The following CAMTA1 variants were observed in gnomAD, a reference collection of about 807,000 sequenced individuals.
The protein encoded by CAMTA1 is calmodulin-binding transcription activator 1.
CAMTA1 carries 27 observed loss-of-function variants against 170.9 expected under a neutral mutation model. That is an observed-to-expected ratio of 0.16 (90% confidence interval 0.12 to 0.22). The LOEUF (loss-of-function observed/expected upper bound fraction) is 0.22, where lower values mean the gene tolerates loss of function less well. CAMTA1 is among the 10% of genes least tolerant of loss of function. The probability of loss-of-function intolerance (pLI) is 1.00; values close to 1 mark genes in which losing one functional copy is unlikely to be tolerated. For missense variants in CAMTA1, 1,619 were observed against 2,217.2 expected, an observed-to-expected ratio of 0.73 and a Z score of 5.42; for synonymous variants, 833 against 891.5, an observed-to-expected ratio of 0.93 and a Z score of 1.17.
intron 3 of CAMTA1, among the ~76,000 whole-genome samples, chr1:6,973,863 A>T (rs1016151222): frequency 5.3e-5 from 8 of 152,236 alleles, no homozygotes; most frequent in African/African-American, 1.4e-4. Context: ...GGTGGAAGCT[A>T]GTGCTGCCTC....
intron 4 of CAMTA1, among the ~76,000 whole-genome samples, chr1:7,157,082 G>A (rs11120864): frequency 0.27 from 41,663 of 151,788 alleles, 6,384 homozygotes; most frequent in East Asian, 0.35. Context: ...GGTGACTCAC[G>A]CCTGTAATCC....
intron 6 of CAMTA1, among the ~76,000 whole-genome samples, chr1:7,478,822 G>T (rs1341785886): frequency 6.6e-6 from 1 of 152,164 alleles, no homozygotes; most frequent in Admixed American, 6.5e-5. Context: ...TGGGGCTTTT[G>T]TTTAATTATC....
At chr1:7,120,911 A>G (rs550072049) in intron 4 of CAMTA1, among the ~76,000 whole-genome samples, 1 of 152,378 alleles carries the variant, frequency 6.6e-6, no homozygotes, top group South Asian at 2.1e-4. Flanking sequence ...GGTATCATTA[A>G]TCATTTCATA....
Position 7,493,373 on chromosome 1 carries a change from G to C in CAMTA1, c.510+25472G>C, listed in dbSNP as rs955937062. ...AACACAAACATACAAACACACGTGC[G>C]CACACACAAACAAACACGTGCACAC... is the stretch of plus-strand genomic sequence containing the variant. On this transcript the variant is annotated intron_variant, in intron 6 of 22. Transcript: ENST00000303635. Among the ~76,000 whole-genome samples, 10 of 72,100 alleles carry C rather than the reference G, an allele frequency of 1.4e-4. No individual in the cohort carries two copies. In the African/African-American group the frequency reaches 1.5e-3, roughly 11 times the overall value. 47.3% of individuals were successfully genotyped at this position (72,100 alleles called of 152,430 possible).
intron 4 of CAMTA1, among the ~76,000 whole-genome samples, chr1:7,213,344 A>T (rs897982338): frequency 1.3e-5 from 2 of 152,028 alleles, no homozygotes; most frequent in Non-Finnish European, 2.9e-5. Flanking sequence ...TTAAGTTTGT[A>T]TTTCTCTAAT....
chr1:7,556,260 G>A (rs1454254369), intron 6 of CAMTA1, among the ~76,000 whole-genome samples: 2 of 152,154 alleles, frequency 1.3e-5, no homozygotes, highest in South Asian at 4.1e-4. Context: ...GATAGAGGAG[G>A]TTGTGGGGTA....
intron 5 of CAMTA1, among the ~76,000 whole-genome samples, chr1:7,400,458 T>C (rs968939930): frequency 1.3e-5 from 2 of 152,212 alleles, no homozygotes; most frequent in African/African-American, 4.8e-5. Context: ...TATTGAGCTT[T>C]TTCCAGGCAA....
intron 3 of CAMTA1, among the ~76,000 whole-genome samples, chr1:6,854,010 G>T (rs1661339883): frequency 6.6e-6 from 1 of 152,172 alleles, no homozygotes. Flanking sequence ...CAAAGTATCA[G>T]TAAGGACATA....
At chr1:7,360,109 CA>C (rs1340668126) in intron 5 of CAMTA1, among the ~76,000 whole-genome samples, 6 of 152,166 alleles carry the variant, frequency 3.9e-5, no homozygotes, top group Admixed American at 3.3e-4. Context: ...GTCCAACCCC[CA>C]CCTTTTTATA....
intron 7 of CAMTA1, among the ~76,000 whole-genome samples, chr1:7,655,050 A>ACC (rs2095877377): frequency 6.7e-6 from 1 of 148,410 alleles, no homozygotes; most frequent in African/African-American, 2.5e-5. Flanking sequence ...CTATACACAC[A>ACC]CCTATACAAA....
At chr1:7,035,693 G>A (rs777479380) in intron 3 of CAMTA1, among the ~76,000 whole-genome samples, 5 of 152,178 alleles carry the variant, frequency 3.3e-5, no homozygotes, top group Non-Finnish European at 7.4e-5. Flanking sequence ...GATCTCTTAA[G>A]GATGCCCGAA....
chr1:7,102,546 G>A (rs1409233893), intron 4 of CAMTA1, among the ~76,000 whole-genome samples: 1 of 152,218 alleles, frequency 6.6e-6, no homozygotes, highest in Non-Finnish European at 1.5e-5. Context: ...TCTGGAGAAC[G>A]ACGTCTAGGC....
At chr1:7,576,661 A>G (rs1360636589) in intron 6 of CAMTA1, among the ~76,000 whole-genome samples, 2 of 152,146 alleles carry the variant, frequency 1.3e-5, no homozygotes, top group African/African-American at 4.8e-5. Flanking sequence ...ATATTCTGCT[A>G]TCACAGCCCA....
intron 6 of CAMTA1, among the ~76,000 whole-genome samples, chr1:7,494,480 C>A (rs1188802448): frequency 2.6e-5 from 4 of 152,078 alleles, no homozygotes; most frequent in African/African-American, 4.8e-5. Context: ...CCAAGAGCAG[C>A]TGCTGGGGTC....
Position 7,411,183 on chromosome 1 carries a change from T to G in CAMTA1, c.439-56647T>G, listed in dbSNP as rs774664417. Among the ~76,000 whole-genome samples, 66 of 152,202 alleles carry G rather than the reference T, an allele frequency of 4.3e-4. 1 individual carries two copies. The highest frequency in any genetic ancestry group is 3.9e-4 in the Admixed American group (6 of 15,278). ...CTTCAGAACAGGTCCTCACACTCTT[T>G]CCATCACTGTGGTTTGGAGGGGCCG... On this transcript the variant is annotated intron_variant, in intron 5 of 22. Coordinates refer to ENST00000303635, the MANE Select transcript of CAMTA1 (RefSeq NM_015215.4).
chr1:7,640,700 T>A, intron 7 of CAMTA1, 147 bp downstream of exon 7: 1 of 933,870 alleles, frequency 1.1e-6, no homozygotes, highest in Non-Finnish European at 1.6e-6. Flanking sequence ...TGAGCTTAGC[T>A]TTTGCCCCAC....
rs948129614 is a variant in CAMTA1 at position 7,632,859 on chromosome 1, G to T, written c.511-7541G>T. Among the ~76,000 whole-genome samples, 29 of 152,254 alleles carry T rather than the reference G, an allele frequency of 1.9e-4. 1 individual carries two copies. The highest frequency in any genetic ancestry group is 1.5e-5 in the Non-Finnish European group (1 of 68,042). ...CCAAGGGCTGATTGCGCACGCCCAG[G>T]CGTGGGCTCAGCATGCGGGAGGTGC... On this transcript the variant is annotated intron_variant, in intron 6 of 22. Coordinates refer to ENST00000303635, the MANE Select transcript of CAMTA1 (RefSeq NM_015215.4).
chr1:7,584,230 A>G (rs1279715914), intron 6 of CAMTA1, among the ~76,000 whole-genome samples: 1 of 152,022 alleles, frequency 6.6e-6, no homozygotes, highest in Non-Finnish European at 1.5e-5. Flanking sequence ...ACAGTAGGGG[A>G]GAGAGATCAG....
intron 5 of CAMTA1, among the ~76,000 whole-genome samples, chr1:7,442,814 G>A (rs143307266): frequency 4.6e-5 from 7 of 152,304 alleles, no homozygotes; most frequent in Admixed American, 2.0e-4. Flanking sequence ...CCTACTGTAT[G>A]TCAGTACTGT....
Sources: gnomAD v4.1 joint callset for allele counts (sites outside exome capture counted in the v4.1 genomes callset) on GRCh38, gnomAD v4.1.1 for gene constraint, MANE v1.5 for transcripts, NCBI Gene and HGNC (gene_info 2026-07-23, HGNC 2026-07-21) for gene names.